STK40: variants seen among roughly 807,000 people sequenced by gnomAD.
STK40 encodes serine/threonine kinase 40, also known as serine/threonine-protein kinase 40.
In STK40, 13 loss-of-function variants were observed where a neutral mutation model predicts 47.9. That is an observed-to-expected ratio of 0.27 (90% CI 0.18 to 0.43). The LOEUF (loss-of-function observed/expected upper bound fraction) is 0.43. STK40 is among the 20% of genes least tolerant of loss of function. The pLI, the probability that STK40 is intolerant of heterozygous loss-of-function variation, is 1.00. For missense variants in STK40, 460 were observed against 595.1 expected, an observed-to-expected ratio of 0.77 and a Z score of 2.36; for synonymous variants, 225 against 243.2, an observed-to-expected ratio of 0.93 and a Z score of 0.69.
At chr1:36,381,711 AT>A (rs768817735) in intron 1 of STK40, among the ~76,000 whole-genome samples, 2 of 152,046 alleles carry the variant, frequency 1.3e-5, no homozygotes, top group Non-Finnish European at 1.5e-5. Flanking sequence ...CTGGTCTTCA[AT>A]TTCTGGGCTC....
At chr1:36,363,154 C>CA (rs574464135) in intron 1 of STK40, among the ~76,000 whole-genome samples, 5 of 148,454 alleles carry the variant, frequency 3.4e-5, no homozygotes, top group African/African-American at 7.4e-5. Flanking sequence ...GACTCTGTCT[C>CA]AAAAAAAAAA....
chr1:36,376,555 C>A (rs529983930), intron 1 of STK40, among the ~76,000 whole-genome samples: 1 of 152,280 alleles, frequency 6.6e-6, no homozygotes, highest in South Asian at 2.1e-4. Flanking sequence ...AAAATCAACA[C>A]ACACACACAC....
intron 1 of STK40, among the ~76,000 whole-genome samples, chr1:36,366,836 C>CT (rs1170166317): frequency 0.019 from 2,621 of 139,074 alleles, 38 homozygotes; most frequent in Middle Eastern, 0.03. Flanking sequence ...TCTTCTTCTT[C>CT]TTTTTTTTTT....
intron 6 of STK40, among the ~76,000 whole-genome samples, chr1:36,349,447 G>A (rs1046350596): frequency 1.3e-5 from 2 of 152,252 alleles, no homozygotes; most frequent in African/African-American, 2.4e-5. Flanking sequence ...CCAAGGTCAT[G>A]CAGCTGGTGA....
chr1:36,346,204 G>C (rs1035624943), intron 7 of STK40, among the ~76,000 whole-genome samples: 1 of 151,344 alleles, frequency 6.6e-6, no homozygotes, highest in African/African-American at 2.4e-5. Flanking sequence ...CTGAGTTAAC[G>C]AGGATGGTCT....
chr1:36,348,939 C>CA, intron 6 of STK40, 124 bp from the exon 7 acceptor site: 1 of 830,142 alleles, frequency 1.2e-6, no homozygotes, highest in Non-Finnish European at 2.0e-6. Flanking sequence ...GGCTTCTCGT[C>CA]AGAGGGTGAA....
Position 36,344,100 on chromosome 1 carries a change from C to T in STK40, c.884+20G>A, listed in dbSNP as rs757638216. 4.4e-6 allele frequency: 7 copies of T among 1,581,940 alleles called. No homozygotes were observed. In the South Asian group the frequency reaches 6.8e-5, roughly 15 times the overall value. On this transcript the variant is annotated intron_variant, in intron 8 of 10. Transcript: ENST00000373132. Reference sequence around the variant, plus strand: ...CATCAGGCTGGCTGCCCCCCCCACCCCCCGGGAGGCAGGACTCACTCAGGA... The same window carrying T: ...CATCAGGCTGGCTGCCCCCCCCACCTCCCGGGAGGCAGGACTCACTCAGGA...
chr1:36,382,461 T>C (rs538272786), intron 1 of STK40, among the ~76,000 whole-genome samples: 1 of 152,228 alleles, frequency 6.6e-6, no homozygotes, highest in East Asian at 1.9e-4. Flanking sequence ...TTACAGGCGT[T>C]AGCCACCGCG....
At chr1:36,350,188 G>A (rs557878892) in intron 6 of STK40, among the ~76,000 whole-genome samples, 1 of 152,352 alleles carries the variant, frequency 6.6e-6, no homozygotes, top group African/African-American at 2.4e-5. Flanking sequence ...CTGACTGGTG[G>A]CCCGCAGGCG....
At chr1:36,359,492 T>C (rs1646833579) in intron 2 of STK40, among the ~76,000 whole-genome samples, 1 of 152,152 alleles carries the variant, frequency 6.6e-6, no homozygotes, top group Admixed American at 6.5e-5. Flanking sequence ...CCGCAACAGG[T>C]TCCCTGGAGA....
At chr1:36,374,728 G>A (rs1254882891) in intron 1 of STK40, among the ~76,000 whole-genome samples, 1 of 152,232 alleles carries the variant, frequency 6.6e-6, no homozygotes, top group African/African-American at 2.4e-5. Context: ...AGGGATGTTT[G>A]CGGTGGCCCC....
intron 2 of STK40, 54 bp from the exon 3 acceptor site, chr1:36,358,876 GCC>G: frequency 6.2e-7 from 1 of 1,603,904 alleles, no homozygotes; most frequent in Non-Finnish European, 8.5e-7. Context: ...CTGTCACGAC[GCC>G]AGGTCACCAC....
rs143316323 is a variant in STK40 at position 36,351,629 on chromosome 1, T to G, written c.623+2735A>C. Among the ~76,000 whole-genome samples, 877 of 152,160 alleles carry G rather than the reference T, an allele frequency of 5.8e-3. 5 individuals carry two copies. Among genetic ancestry groups the G allele is most frequent in the African/African-American group, 0.02 (825 of 41,490 alleles). ...GTACAACCAGGACACTGGGTATGAG[T>G]GAGGCATTGGCATTCTGCACCCTGA... On this transcript the variant is annotated intron_variant, in intron 6 of 10. Coordinates refer to ENST00000373132, the MANE Select transcript of STK40 (RefSeq NM_001282547.2).
rs759794230 is a variant in STK40, at chr1:36,341,642, G to A, written c.*113C>T. ...CCTGGGCTGTCCCTGTCCCTGCCCT[G>A]TCCCTATTGTGGCCCGGGAGAGTCC... On this transcript the variant is annotated 3_prime_UTR_variant, in exon 11 of 11. Transcript: ENST00000373132. 8.5e-5 allele frequency: 113 copies of A among 1,329,270 alleles called. No homozygotes were observed. Among genetic ancestry groups the A allele is most frequent in the Non-Finnish European group, 1.1e-4 (103 of 958,346 alleles). 82.3% of individuals were successfully genotyped at this position (1,329,270 alleles called of 1,614,324 possible).
intron 1 of STK40, among the ~76,000 whole-genome samples, chr1:36,366,998 C>G (rs1478920725): frequency 2.0e-5 from 3 of 146,816 alleles, no homozygotes; most frequent in Non-Finnish European, 4.4e-5. Flanking sequence ...CCACACCCAG[C>G]TAATTTTTTT....
At chr1:36,379,306 C>T (rs1647019869) in intron 1 of STK40, among the ~76,000 whole-genome samples, 1 of 152,270 alleles carries the variant, frequency 6.6e-6, no homozygotes, top group African/African-American at 2.4e-5. Flanking sequence ...AACCGTCAGG[C>T]CTGTAGACTG....
At chr1:36,342,894 A>C in intron 10 of STK40, 2 of 427,552 alleles carry the variant, frequency 4.7e-6, no homozygotes, top group East Asian at 4.9e-5. Flanking sequence ...GGGGCACCCT[A>C]AGATCACCTG....
intron 5 of STK40, 100 bp downstream of exon 5, chr1:36,355,106 G>A: frequency 8.0e-7 from 1 of 1,248,964 alleles, no homozygotes; most frequent in South Asian, 1.3e-5. Context: ...CAGCTGCAAA[G>A]CACACCTGGG....
intron 4 of STK40, among the ~76,000 whole-genome samples, chr1:36,355,963 C>T (rs1646800155): frequency 6.6e-6 from 1 of 152,048 alleles, no homozygotes. Context: ...AGAGGACTGT[C>T]GGGATGCAGT....
Sources: allele counts gnomAD v4.1 joint callset (sites outside exome capture counted in the v4.1 genomes callset), GRCh38; gene constraint gnomAD v4.1.1; transcripts MANE v1.5; gene names NCBI Gene and HGNC (gene_info 2026-07-23, HGNC 2026-07-21).